The following PIKFYVE variants were observed in gnomAD, a reference collection of about 807,000 sequenced individuals.
PIKFYVE encodes 1-phosphatidylinositol 3-phosphate 5-kinase.
In PIKFYVE, 122 loss-of-function variants were observed where a neutral mutation model predicts 257.9. The ratio of observed to expected loss-of-function variants is 0.47; its 90% confidence interval spans 0.41 to 0.55. The LOEUF (loss-of-function observed/expected upper bound fraction) is 0.55, where lower values mean the gene tolerates loss of function less well. Among genes scored for constraint, PIKFYVE ranks in the 20% least tolerant of loss-of-function variants. PIKFYVE has a pLI of 0.00. For missense variants in PIKFYVE, 2,160 were observed against 2,536.6 expected (o/e 0.85, Z 3.19); for synonymous variants, 892 against 868.9 (o/e 1.03, Z -0.47).
intron 5 of PIKFYVE, among the ~76,000 whole-genome samples, chr2:208,285,470 G>A (rs950337673): frequency 3.3e-5 from 5 of 151,970 alleles, no homozygotes; most frequent in African/African-American, 1.2e-4. Flanking sequence ...CATAATGATG[G>A]CTCTTTTTTT....
chr2:208,277,803 GT>G, intron 5 of PIKFYVE, 95 bp downstream of exon 5: 2 of 1,380,522 alleles, frequency 1.4e-6, no homozygotes, highest in African/African-American at 1.4e-5. Context: ...TTCATTTTGG[GT>G]TTTATGTGTA....
In PIKFYVE at chr2:208,285,426, G is replaced by A. The variant is rs191743920; in HGVS notation, c.614-300G>A. ...GTTACATTTTAAACTCATTATAAATGTTTATGGTAGTTTGGACACCTGGAT... is the reference window on the plus strand; with the variant it reads ...GTTACATTTTAAACTCATTATAAATATTTATGGTAGTTTGGACACCTGGAT... On this transcript the variant is annotated intron_variant, in intron 5 of 41. Coordinates refer to ENST00000264380, the MANE Select transcript of PIKFYVE (RefSeq NM_015040.4). 8.2e-3 allele frequency among the ~76,000 whole-genome samples: 1,242 copies of A among 152,196 alleles called. 11 individuals are homozygous for A. The highest frequency in any genetic ancestry group is 0.012 in the Non-Finnish European group (841 of 67,998).
intron 3 of PIKFYVE, among the ~76,000 whole-genome samples, chr2:208,275,168 G>C (rs1689943608): frequency 1.3e-5 from 2 of 152,206 alleles, no homozygotes; most frequent in Non-Finnish European, 2.9e-5. Flanking sequence ...CCGACCTTAG[G>C]AAAGTTATTT....
chr2:208,325,084 A>G, intron 19 of PIKFYVE, 47 bp downstream of exon 19: 1 of 1,610,892 alleles, frequency 6.2e-7, no homozygotes, highest in African/African-American at 1.3e-5. Flanking sequence ...GAGTTAACTT[A>G]TCACTACTAC....
rs150738231 is a variant in PIKFYVE at position 208,298,352 on chromosome 2, A to G, written c.912-289A>G. ...TGAACTATGTAATTGTTTTCCTGTA[A>G]TCTTTCCATAACTACTTTCTTTTAA... On this transcript the variant is annotated intron_variant, in intron 7 of 41. Transcript: ENST00000264380. Among the ~76,000 whole-genome samples, 274 of 152,260 alleles carry G rather than the reference A, an allele frequency of 1.8e-3. No individual in the cohort carries two copies. Among genetic ancestry groups the G allele is most frequent in the Middle Eastern group, 3.4e-3 (1 of 294 alleles).
intron 29 of PIKFYVE, 43 bp downstream of exon 29, chr2:208,338,611 G>T (rs765597436): frequency 1.3e-6 from 2 of 1,570,252 alleles, no homozygotes; most frequent in Non-Finnish European, 1.8e-6. Flanking sequence ...AGGATTTAAA[G>T]AAATTTCTTA....
In PIKFYVE at chr2:208,354,567, C is replaced by G; in HGVS notation, c.6107-4C>G. On this transcript the variant is annotated splice_polypyrimidine_tract_variant and splice_region_variant and intron_variant, in intron 40 of 41. Transcript: ENST00000264380. Reference sequence around the variant, plus strand: ...TTGCTAATTTCACTCCTTCTACCCCCCAGATTATATTCGAACATTTACATG... The same window carrying G: ...TTGCTAATTTCACTCCTTCTACCCCGCAGATTATATTCGAACATTTACATG... 6.2e-7 allele frequency: 1 copy of G among 1,609,154 alleles called. No individual in the cohort carries two copies. Among genetic ancestry groups the G allele is most frequent in the Non-Finnish European group, 8.5e-7 (1 of 1,175,614 alleles).
intron 8 of PIKFYVE, 130 bp from the exon 9 acceptor site, chr2:208,300,807 T>C (rs2289169): frequency 9.4e-7 from 1 of 1,064,906 alleles, no homozygotes; most frequent in Admixed American, 1.9e-5. Context: ...TATTAAATTG[T>C]GTGAGTTAGC....
At chr2:208,268,699 G>A (rs1455812958) in intron 1 of PIKFYVE, among the ~76,000 whole-genome samples, 3 of 151,552 alleles carry the variant, frequency 2.0e-5, no homozygotes, top group Non-Finnish European at 4.4e-5. Context: ...GATTGTTGAT[G>A]ATTATTCTCA....
At chr2:208,295,970 G>A (rs966914405) in intron 7 of PIKFYVE, among the ~76,000 whole-genome samples, 6 of 151,806 alleles carry the variant, frequency 4.0e-5, no homozygotes, top group South Asian at 2.1e-4. Flanking sequence ...AAAGCTTTCC[G>A]TTGTTGGAGA....
In PIKFYVE at chr2:208,325,728, G is replaced by C. The variant is rs769651368; in HGVS notation, c.2917G>C (p.Ala973Pro). The C allele has an allele frequency of 1.2e-6, 2 of 1,613,126 alleles. No homozygotes were observed. Among genetic ancestry groups the C allele is most frequent in the African/African-American group, 2.7e-5 (2 of 74,900 alleles). ...GGCGGGTCTCCCTTGTGCTTTCTTT[G>C]CACCTGTACCGGAATCATTGTTGCC... is the stretch of plus-strand genomic sequence containing the variant. ...CPAGLPCAFF[A>P]PVPESLLPLP... The change falls in exon 20 of 42, where the codon GCA (alanine) becomes CCA (proline). Residue 973 changes from alanine to proline, a missense_variant. Ala to Pro is a conservative substitution (Grantham distance 27). Transcript: ENST00000264380.
At chr2:208,322,930 G>A (rs1696448351) in intron 17 of PIKFYVE, among the ~76,000 whole-genome samples, 2 of 141,636 alleles carry the variant, frequency 1.4e-5, no homozygotes, top group Admixed American at 1.5e-4. Context: ...CCACCTATGA[G>A]TGAGAACATG....
chr2:208,279,332 T>C (rs1690508478), intron 5 of PIKFYVE, among the ~76,000 whole-genome samples: 1 of 152,340 alleles, frequency 6.6e-6, no homozygotes, highest in South Asian at 2.1e-4. Flanking sequence ...GCAAGTATTT[T>C]CTCCTATTCT....
In PIKFYVE at chr2:208,315,219, C is replaced by T; in HGVS notation, c.1853C>T (p.Ala618Val). Residue 618 changes from alanine to valine, a missense_variant, in exon 15 of 42, where the codon GCA becomes GTA. This residue lies in a region of PIKFYVE where 346 missense variants were observed against 365.6 expected (regional missense o/e 0.95). Transcript: ENST00000264380. ...LLSANHNHMM[A>V]LLQQLLHSDS... ...TCAGCTAATCATAACCACATGATGG[C>T]ACTACTCCAGCAGTTGCTCCATAGT... 1 of 1,613,960 alleles carries T rather than the reference C, an allele frequency of 6.2e-7. No individual in the cohort carries two copies. The highest frequency in any genetic ancestry group is 8.5e-7 in the Non-Finnish European group (1 of 1,179,896).
chr2:208,347,008 A>G (rs1699295420), intron 34 of PIKFYVE, among the ~76,000 whole-genome samples: 1 of 152,196 alleles, frequency 6.6e-6, no homozygotes, highest in Non-Finnish European at 1.5e-5. Context: ...AAAGAGACAG[A>G]GAAAGTAGGG....
chr2:208,268,592 T>C (rs868260566), intron 1 of PIKFYVE, among the ~76,000 whole-genome samples: 53 of 145,484 alleles, frequency 3.6e-4, no homozygotes, highest in African/African-American at 1.2e-3. Context: ...TTTTTTTTAA[T>C]ATAAAAAAAA....
chr2:208,267,108 C>G (rs567675732), intron 1 of PIKFYVE, among the ~76,000 whole-genome samples: 1 of 152,282 alleles, frequency 6.6e-6, no homozygotes, highest in Non-Finnish European at 1.5e-5. Flanking sequence ...GCAAGTTATT[C>G]GTGTGTATCT....
intron 28 of PIKFYVE, among the ~76,000 whole-genome samples, chr2:208,337,915 G>T (rs1698317717): frequency 6.6e-6 from 1 of 151,970 alleles, no homozygotes; most frequent in African/African-American, 2.4e-5. Context: ...TAGAGATGGG[G>T]TTTCTCCATG....
intron 10 of PIKFYVE, among the ~76,000 whole-genome samples, chr2:208,303,033 G>C: frequency 6.6e-6 from 1 of 152,104 alleles, no homozygotes; most frequent in East Asian, 1.9e-4. Context: ...AGTGAGCCGA[G>C]ATTGCGCCAC....
Sources: allele counts gnomAD v4.1 joint callset (sites outside exome capture counted in the v4.1 genomes callset), GRCh38; gene constraint gnomAD v4.1.1; regional missense constraint gnomAD v4.1.1; transcripts MANE v1.5; gene names NCBI Gene and HGNC (gene_info 2026-07-23, HGNC 2026-07-21).